Variants in TSEN2 observed in about 807,000 individuals in gnomAD.
TSEN2 encodes tRNA-splicing endonuclease subunit Sen2.
Under a neutral mutation model 59.2 loss-of-function variants are expected in TSEN2, and 54 were observed. That is an observed-to-expected ratio of 0.91 (90% CI 0.73 to 1.14). The LOEUF (loss-of-function observed/expected upper bound fraction) is 1.14, where lower values mean the gene tolerates loss of function less well. TSEN2 is among the 50% of genes most tolerant of loss of function. TSEN2 has a pLI of 0.00. For synonymous variants in TSEN2, 195 were observed against 198.2 expected, an observed-to-expected ratio of 0.98 and a Z score of 0.14; for missense variants, 636 against 576.2, an observed-to-expected ratio of 1.10 and a Z score of -1.06.
chr3:12,528,764 A>G (rs1292597982), intron 8 of TSEN2, 124 bp from the exon 9 acceptor site: 3 of 950,252 alleles, frequency 3.2e-6, no homozygotes, highest in South Asian at 1.4e-5. Context: ...GTCTACATAT[A>G]GATTATTGAG....
chr3:12,493,034 T>C (rs2053383415), intron 3 of TSEN2, among the ~76,000 whole-genome samples: 1 of 152,248 alleles, frequency 6.6e-6, no homozygotes, highest in African/African-American at 2.4e-5. Context: ...TCATACAATA[T>C]TTGCCCTTTT....
intron 2 of TSEN2, 51 bp downstream of exon 2, chr3:12,490,040 C>T (rs2053051555): frequency 6.5e-7 from 1 of 1,541,994 alleles, no homozygotes; most frequent in African/African-American, 1.4e-5. Flanking sequence ...CCTGAGCAAG[C>T]AGTCCTTTCC....
At chr3:12,486,621 G>A (rs983987521) in intron 1 of TSEN2, among the ~76,000 whole-genome samples, 2 of 152,128 alleles carry the variant, frequency 1.3e-5, no homozygotes, top group Non-Finnish European at 2.9e-5. Flanking sequence ...CTTCGTATTC[G>A]CGGAGTTATG....
intron 3 of TSEN2, among the ~76,000 whole-genome samples, chr3:12,494,362 A>G (rs776333213): frequency 1.3e-5 from 2 of 152,202 alleles, no homozygotes; most frequent in Non-Finnish European, 2.9e-5. Flanking sequence ...GGTTTATCTA[A>G]AAAGATGGAA....
chr3:12,484,332 C>A (rs2052360002), upstream of TSEN2: 1 of 152,374 alleles, frequency 6.6e-6, no homozygotes, highest in African/African-American at 2.4e-5. Flanking sequence ...TCATACTCCG[C>A]AGTGGCAGAG....
At chr3:12,528,563 A>T (rs1041606199) in intron 8 of TSEN2, among the ~76,000 whole-genome samples, 1 of 152,120 alleles carries the variant, frequency 6.6e-6, no homozygotes, top group Non-Finnish European at 1.5e-5. Context: ...CTAAAAAAAA[A>T]TTTTAAATTA....
At chr3:12,504,322 C>T (rs2054595580) in intron 5 of TSEN2, among the ~76,000 whole-genome samples, 1 of 152,178 alleles carries the variant, frequency 6.6e-6, no homozygotes, top group South Asian at 2.1e-4. Context: ...TGGCTCACAC[C>T]TGTAATCCCA....
chr3:12,531,240 G>GT (rs2057440633), intron 10 of TSEN2: 3 of 287,528 alleles, frequency 1.0e-5, no homozygotes, highest in Admixed American at 4.7e-5. Flanking sequence ...CAGCCAAACC[G>GT]TATCAACATC....
chr3:12,530,051 C>T (rs1443662096), intron 10 of TSEN2, 178 bp downstream of exon 10: 1 of 1,439,870 alleles, frequency 6.9e-7, no homozygotes, highest in Non-Finnish European at 9.1e-7. Flanking sequence ...TAGAAGTTGT[C>T]CTCCCCTCAT....
chr3:12,490,137 CAATTTG>C, intron 2 of TSEN2, 148 bp downstream of exon 2: 1 of 838,318 alleles, frequency 1.2e-6, no homozygotes, highest in African/African-American at 1.7e-5. Flanking sequence ...AGGAAAAGTA[CAATTTG>C]AATTAGTGCC....
At chr3:12,488,928 AT>A (rs1559271056) in intron 1 of TSEN2, among the ~76,000 whole-genome samples, 4 of 152,164 alleles carry the variant, frequency 2.6e-5, no homozygotes, top group African/African-American at 4.8e-5. Flanking sequence ...TCTGTTTCCT[AT>A]TTGTAAAATG....
intron 1 of TSEN2, among the ~76,000 whole-genome samples, chr3:12,486,108 T>G (rs574937006): frequency 6.6e-6 from 1 of 152,144 alleles, no homozygotes; most frequent in East Asian, 1.9e-4. Context: ...AGGGGGTGAG[T>G]CCTGGAACCA....
intron 5 of TSEN2, among the ~76,000 whole-genome samples, chr3:12,504,254 A>G (rs1484484698): frequency 2.0e-5 from 3 of 152,174 alleles, no homozygotes; most frequent in Non-Finnish European, 2.9e-5. Flanking sequence ...AAGAAATATC[A>G]TGTAGACTTA....
chr3:12,502,097 G>A (rs2054331438), intron 4 of TSEN2, among the ~76,000 whole-genome samples: 1 of 152,192 alleles, frequency 6.6e-6, no homozygotes, highest in East Asian at 1.9e-4. Context: ...ATCTACATAA[G>A]CCAAATCATT....
At chr3:12,481,311 A>G (rs1427358363), upstream of TSEN2, among the ~76,000 whole-genome samples, 1 of 152,192 alleles carries the variant, frequency 6.6e-6, no homozygotes, top group Non-Finnish European at 1.5e-5. Context: ...TATTGGTAAC[A>G]TCACAATCAA....
rs3839097 is a variant in TSEN2, at chr3:12,517,938, C to CAA, written c.961-1112_961-1111dup. On this transcript the variant is annotated intron_variant, in intron 7 of 11. Coordinates refer to ENST00000284995, the MANE Select transcript of TSEN2 (RefSeq NM_025265.4). ...GGAATTTTTGCATTAGGAACAACTGCAAAAAAAAAACAACTCTAGTCTATT... is the reference window on the plus strand; with the variant it reads ...GGAATTTTTGCATTAGGAACAACTGCAAAAAAAAAAAACAACTCTAGTCTATT... Among the ~76,000 whole-genome samples the CAA allele has an allele frequency of 3.6e-4, 51 of 140,124 alleles. 1 individual carries two copies. The highest frequency in any genetic ancestry group is 7.1e-4 in the Admixed American group (10 of 14,166). 91.9% of individuals were successfully genotyped at this position (140,124 alleles called of 152,430 possible). A position where few individuals can be genotyped will look rare whatever the true frequency, so the allele number is the denominator to read the frequency against.
intron 8 of TSEN2, among the ~76,000 whole-genome samples, chr3:12,522,162 T>G (rs1200240706): frequency 6.6e-6 from 1 of 152,226 alleles, no homozygotes; most frequent in Non-Finnish European, 1.5e-5. Context: ...CAACTTTATT[T>G]TAATGATCAA....
At chr3:12,499,940 G>T (rs117958325) in intron 4 of TSEN2, among the ~76,000 whole-genome samples, 3,751 of 152,290 alleles carry the variant, frequency 0.025, 67 homozygotes, top group South Asian at 0.06. Flanking sequence ...CAGTGATAAA[G>T]GGGCATTCAT....
intron 4 of TSEN2, among the ~76,000 whole-genome samples, chr3:12,502,356 G>T (rs2054353334): frequency 6.6e-6 from 1 of 152,046 alleles, no homozygotes; most frequent in Admixed American, 6.6e-5. Flanking sequence ...GACCAGCCTG[G>T]CCAAAAATTT....
Sources: allele counts gnomAD v4.1 joint callset (sites outside exome capture counted in the v4.1 genomes callset), GRCh38; gene constraint gnomAD v4.1.1; transcripts MANE v1.5; gene names NCBI Gene and HGNC (gene_info 2026-07-23, HGNC 2026-07-21).